The following REDIC1 variants were observed in gnomAD, a reference collection of about 807,000 sequenced individuals.
REDIC1 encodes the protein regulator of DNA class I crossover intermediates 1, also known as HEI10 Interacting Protein 1.
the REDIC1 span, among the ~76,000 whole-genome samples, chr12:39,711,656 T>G: frequency 2.8e-5 from 4 of 140,752 alleles, no homozygotes; most frequent in Admixed American, 7.0e-5. Flanking sequence ...CACATGTATG[T>G]ATGTCTATAC....
the REDIC1 span, among the ~76,000 whole-genome samples, chr12:39,652,121 C>T: frequency 2.6e-5 from 4 of 152,060 alleles, no homozygotes; most frequent in Admixed American, 2.0e-4. Context: ...ATTGTATGGA[C>T]ATAGCACAAC....
the REDIC1 span, among the ~76,000 whole-genome samples, chr12:39,676,069 A>G: frequency 4.6e-5 from 7 of 152,194 alleles, no homozygotes; most frequent in Non-Finnish European, 8.8e-5. Context: ...AGACCACACT[A>G]GTTCTCCAGC....
chr12:39,889,170 T>A, the REDIC1 span, among the ~76,000 whole-genome samples: 1 of 152,152 alleles, frequency 6.6e-6, no homozygotes, highest in Non-Finnish European at 1.5e-5. Flanking sequence ...TTATTAGGCT[T>A]ATTAGATCTT....
chr12:39,905,416 G>C, the REDIC1 span, among the ~76,000 whole-genome samples: 1 of 152,090 alleles, frequency 6.6e-6, no homozygotes, highest in South Asian at 2.1e-4. Flanking sequence ...CAGATGACTA[G>C]CTGAAAATAA....
At chr12:39,893,635 T>C in the REDIC1 span, among the ~76,000 whole-genome samples, 1 of 152,222 alleles carries the variant, frequency 6.6e-6, no homozygotes, top group Non-Finnish European at 1.5e-5. Context: ...AAATCCATGG[T>C]TAATTTAAAA....
the REDIC1 span, among the ~76,000 whole-genome samples, chr12:39,834,623 T>C: frequency 0.015 from 2,322 of 152,092 alleles, 27 homozygotes; most frequent in Middle Eastern, 0.024. Context: ...AGGTCAAGTA[T>C]CAAAAAGTGT....
At chr12:39,637,882 A>G in the REDIC1 span, among the ~76,000 whole-genome samples, 2 of 152,126 alleles carry the variant, frequency 1.3e-5, no homozygotes, top group African/African-American at 2.4e-5. Context: ...AGAAGCAACT[A>G]TTAAGGAGTA....
At chr12:39,809,612 C>A in the REDIC1 span, among the ~76,000 whole-genome samples, 1 of 152,096 alleles carries the variant, frequency 6.6e-6, no homozygotes, top group Admixed American at 6.6e-5. Context: ...CCCATTAACT[C>A]GTCATTTAGC....
At chr12:39,720,665 ACT>A in the REDIC1 span, 11 of 798,192 alleles carry the variant, frequency 1.4e-5, no homozygotes, top group Non-Finnish European at 2.0e-5. Flanking sequence ...AACTTGCCAA[ACT>A]CTCTTCTGTA....
the REDIC1 span, among the ~76,000 whole-genome samples, chr12:39,638,464 C>A: frequency 1.3e-5 from 2 of 152,004 alleles, no homozygotes; most frequent in African/African-American, 2.4e-5. Flanking sequence ...CTTGTTCTTG[C>A]CATTTGACAA....
the REDIC1 span, among the ~76,000 whole-genome samples, chr12:39,651,523 T>A: frequency 2.0e-5 from 3 of 152,168 alleles, no homozygotes; most frequent in Non-Finnish European, 2.9e-5. Context: ...AAATAAAAGT[T>A]GTACTTGATT....
chr12:39,867,950 C>CTTTA, the REDIC1 span, among the ~76,000 whole-genome samples: 2 of 152,138 alleles, frequency 1.3e-5, no homozygotes, highest in Non-Finnish European at 2.9e-5. Flanking sequence ...TCTTAAACGA[C>CTTTA]TTTATTTATA....
At chr12:39,711,598 T>TATGTGC in the REDIC1 span, among the ~76,000 whole-genome samples, 176 of 110,432 alleles carry the variant, frequency 1.6e-3, 1 homozygote, top group Admixed American at 2.9e-3. Context: ...TGTATATGTG[T>TATGTGC]ATACACATGC....
chr12:39,805,288 G>A, the REDIC1 span, among the ~76,000 whole-genome samples: 1 of 152,184 alleles, frequency 6.6e-6, no homozygotes, highest in African/African-American at 2.4e-5. Context: ...AAAAGGGTCA[G>A]TGTGGCTGCT....
chr12:39,897,379 C>T, the REDIC1 span, among the ~76,000 whole-genome samples: 144 of 152,250 alleles, frequency 9.5e-4, no homozygotes, highest in African/African-American at 3.4e-3. Context: ...AGACAGCTGT[C>T]ATAACAATTC....
chr12:39,868,084 G>C, the REDIC1 span, among the ~76,000 whole-genome samples: 6 of 152,070 alleles, frequency 3.9e-5, no homozygotes, highest in Admixed American at 6.5e-5. Flanking sequence ...TCAGTCCCTT[G>C]TTAGTATTTA....
the REDIC1 span, among the ~76,000 whole-genome samples, chr12:39,896,117 C>T: frequency 1.4e-5 from 2 of 140,040 alleles, no homozygotes; most frequent in East Asian, 2.1e-4. Context: ...TATATGAATG[C>T]ATACATATAT....
chr12:39,731,781 A>G, the REDIC1 span, among the ~76,000 whole-genome samples: 1 of 150,842 alleles, frequency 6.6e-6, no homozygotes, highest in African/African-American at 2.4e-5. Flanking sequence ...GCTGTGTCTC[A>G]GGGAGATGGG....
At chr12:39,712,029 C>CTTGTATATATACCTACCTGT in the REDIC1 span, among the ~76,000 whole-genome samples, 1 of 113,290 alleles carries the variant, frequency 8.8e-6, no homozygotes, top group African/African-American at 3.5e-5. Flanking sequence ...TGTATATATA[C>CTTGTATATATACCTACCTGT]ATGTATATAT....
Sources: allele counts gnomAD v4.1 joint callset (sites outside exome capture counted in the v4.1 genomes callset), GRCh38; gene constraint gnomAD v4.1.1; transcripts MANE v1.5; gene names NCBI Gene and HGNC (gene_info 2026-07-23, HGNC 2026-07-21).